CNKSR2: variants seen among roughly 807,000 people sequenced by gnomAD.
CNKSR2 encodes the protein connector enhancer of kinase suppressor of Ras 2.
A neutral mutation model predicts 84.4 loss-of-function variants in CNKSR2; 14 were observed. That is an observed-to-expected ratio of 0.17 (90% confidence interval 0.11 to 0.26). CNKSR2 has a LOEUF of 0.26. Among genes scored for constraint, CNKSR2 ranks in the 10% least tolerant of loss-of-function variants. The pLI, the probability that CNKSR2 is intolerant of heterozygous loss-of-function variation, is 1.00. For missense variants in CNKSR2, 485 were observed against 771.2 expected (o/e 0.63, Z 4.40); for synonymous variants, 275 against 277.9 (o/e 0.99, Z 0.10).
intron 18 of CNKSR2, 175 bp from the exon 19 acceptor site, chrX:21,606,604 C>T (rs1191746806): frequency 5.6e-6 from 2 of 355,806 alleles, no homozygotes; most frequent in African/African-American, 5.3e-5. Flanking sequence ...CTTACTTTCT[C>T]CTCAAAACTC....
chrX:21,521,844 C>G (rs182647984), intron 9 of CNKSR2, among the ~76,000 whole-genome samples: 2 of 110,640 alleles, frequency 1.8e-5, no homozygotes, highest in Admixed American at 1.9e-4. Context: ...TAAAAGGATA[C>G]TCAAACCTTT....
At chrX:21,581,004 C>A (rs143030615) in intron 13 of CNKSR2, among the ~76,000 whole-genome samples, 1 of 111,700 alleles carries the variant, frequency 9.0e-6, no homozygotes, top group African/African-American at 3.3e-5. Flanking sequence ...TAATTGTACA[C>A]ATCAATCAGG....
intron 20 of CNKSR2, chrX:21,644,622 G>A (rs2092701457): frequency 9.0e-6 from 1 of 111,583 alleles, no homozygotes; most frequent in Non-Finnish European, 1.9e-5. Context: ...GAGGCACTGT[G>A]CCAGGTAGAA....
chrX:21,456,937 G>A (rs1306265013), intron 4 of CNKSR2, among the ~76,000 whole-genome samples: 4 of 111,216 alleles, frequency 3.6e-5, no homozygotes, highest in African/African-American at 9.8e-5. Context: ...TCTCATTGTG[G>A]TTTTGCTTTG....
At chrX:21,527,766 A>T (rs949946418) in intron 10 of CNKSR2, among the ~76,000 whole-genome samples, 8 of 110,648 alleles carry the variant, frequency 7.2e-5, no homozygotes, top group Middle Eastern at 4.7e-3. Flanking sequence ...TCACAAAAAA[A>T]CTTGATTCAG....
At chrX:21,394,780 TATAC>T (rs1310866068) in intron 1 of CNKSR2, among the ~76,000 whole-genome samples, 1 of 112,076 alleles carries the variant, frequency 8.9e-6, no homozygotes, top group African/African-American at 3.2e-5. Flanking sequence ...GGTTTATTAT[TATAC>T]ATAGTGATCA....
chrX:21,525,488 T>G (rs1488062067), intron 9 of CNKSR2, among the ~76,000 whole-genome samples: 1 of 110,972 alleles, frequency 9.0e-6, no homozygotes, highest in Non-Finnish European at 1.9e-5. Context: ...TTTCTCTCTC[T>G]CTTTCTTTAA....
chrX:21,518,580 T>C (rs779772806), intron 9 of CNKSR2, among the ~76,000 whole-genome samples: 5 of 111,685 alleles, frequency 4.5e-5, no homozygotes, highest in Non-Finnish European at 9.4e-5. Context: ...GCTAAAATAA[T>C]TGAAAGACCA....
chrX:21,474,672 T>A (rs1376546130), intron 5 of CNKSR2, among the ~76,000 whole-genome samples: 1 of 111,407 alleles, frequency 9.0e-6, no homozygotes, highest in Non-Finnish European at 1.9e-5. Flanking sequence ...AAAAGTGGGC[T>A]GAGTGGGTAT....
chrX:21,649,965 A>G (rs1404591854), intron 21 of CNKSR2, among the ~76,000 whole-genome samples: 1 of 112,088 alleles, frequency 8.9e-6, no homozygotes, highest in Non-Finnish European at 1.9e-5. Context: ...GAACTCTTTT[A>G]CACTGCTGGT....
chrX:21,552,099 GAA>G (rs761761441), intron 11 of CNKSR2, among the ~76,000 whole-genome samples: 3 of 84,590 alleles, frequency 3.5e-5, no homozygotes, highest in South Asian at 5.2e-4. Flanking sequence ...TCCCCCATGA[GAA>G]AAAAAAAAAA....
intron 1 of CNKSR2, among the ~76,000 whole-genome samples, chrX:21,410,884 TTGTGTG>T (rs1160165845): frequency 9.5e-6 from 1 of 105,635 alleles, no homozygotes; most frequent in African/African-American, 3.4e-5. Context: ...AAATGTGTGT[TTGTGTG>T]TGTGTGTTTG....
intron 3 of CNKSR2, among the ~76,000 whole-genome samples, chrX:21,434,524 A>G (rs1310934012): frequency 9.0e-6 from 1 of 111,728 alleles, no homozygotes; most frequent in Non-Finnish European, 1.9e-5. Flanking sequence ...TTTAAAATGA[A>G]CCCTGCAAAT....
intron 4 of CNKSR2, among the ~76,000 whole-genome samples, chrX:21,447,253 A>G (rs1255529608): frequency 9.0e-6 from 1 of 111,488 alleles, no homozygotes; most frequent in Non-Finnish European, 1.9e-5. Flanking sequence ...TCTTCTTATC[A>G]TGGACATTTG....
At chrX:21,447,023 A>G (rs777357170) in intron 4 of CNKSR2, among the ~76,000 whole-genome samples, 2 of 111,107 alleles carry the variant, frequency 1.8e-5, no homozygotes, top group Non-Finnish European at 3.8e-5. Context: ...TTATCATTTT[A>G]TTTGTTCTTA....
chrX:21,488,961 G>A (rs2091414480), intron 5 of CNKSR2, among the ~76,000 whole-genome samples: 1 of 111,411 alleles, frequency 9.0e-6, no homozygotes, highest in Non-Finnish European at 1.9e-5. Flanking sequence ...TGAGACAAAT[G>A]CATATCTGAT....
chrX:21,626,013 C>A (rs2092621615), intron 20 of CNKSR2, among the ~76,000 whole-genome samples: 1 of 111,550 alleles, frequency 9.0e-6, no homozygotes, highest in African/African-American at 3.3e-5. Context: ...TTTAAAATTA[C>A]AGAATCAATA....
chrX:21,626,497 A>G (rs1055567273), intron 20 of CNKSR2, among the ~76,000 whole-genome samples: 1 of 111,742 alleles, frequency 8.9e-6, no homozygotes. Context: ...TACAGGTGAT[A>G]GGGATACCAA....
At chrX:21,632,466 A>G (rs1223318430) in intron 20 of CNKSR2, among the ~76,000 whole-genome samples, 1 of 112,046 alleles carries the variant, frequency 8.9e-6, no homozygotes, top group Non-Finnish European at 1.9e-5. Context: ...TTTTCCACAA[A>G]GAGAAAACAA....
Sources: allele counts gnomAD v4.1 joint callset (sites outside exome capture counted in the v4.1 genomes callset), GRCh38; gene constraint gnomAD v4.1.1; transcripts MANE v1.5; gene names NCBI Gene and HGNC (gene_info 2026-07-23, HGNC 2026-07-21).